The following ABCD3 variants were observed in gnomAD, a reference collection of about 807,000 sequenced individuals.
ABCD3 encodes ATP binding cassette subfamily D member 3.
Under a neutral mutation model 105.5 loss-of-function variants are expected in ABCD3, and 41 were observed. The observed-to-expected ratio is 0.39, with a 90% CI of 0.30 to 0.50. ABCD3 has a LOEUF of 0.50. Ranked by LOEUF, ABCD3 falls within the 20% of genes least tolerant of loss-of-function variation. ABCD3 has a pLI of 0.84. For synonymous variants in ABCD3, 258 were observed against 269.0 expected (o/e 0.96, Z 0.40); for missense variants, 622 against 806.3 (o/e 0.77, Z 2.77).
At chr1:94,418,193 C>T (rs1333743677), upstream of ABCD3, among the ~76,000 whole-genome samples, 1 of 152,224 alleles carries the variant, frequency 6.6e-6, no homozygotes, top group Non-Finnish European at 1.5e-5. Flanking sequence ...GCAACAGCTC[C>T]TCCGCGCCGC....
At chr1:94,495,401 G>A (rs1649749004) in intron 16 of ABCD3, among the ~76,000 whole-genome samples, 1 of 151,958 alleles carries the variant, frequency 6.6e-6, no homozygotes, top group Non-Finnish European at 1.5e-5. Flanking sequence ...TGTTACTCTT[G>A]GCTTTTAGTC....
chr1:94,428,457 C>T (rs1305068624), intron 1 of ABCD3, among the ~76,000 whole-genome samples: 2 of 152,100 alleles, frequency 1.3e-5, no homozygotes, highest in Admixed American at 6.6e-5. Context: ...TATAATGTAT[C>T]ATTGCATGTC....
chr1:94,470,600 C>G (rs1222594452), intron 4 of ABCD3, among the ~76,000 whole-genome samples: 5 of 151,730 alleles, frequency 3.3e-5, no homozygotes. Context: ...GTGCTGGGCA[C>G]TAGGTGAACT....
chr1:94,399,996 T>A, the ABCD3 span, among the ~76,000 whole-genome samples: 2 of 152,072 alleles, frequency 1.3e-5, no homozygotes, highest in East Asian at 3.9e-4. Flanking sequence ...GGTTCCTGGG[T>A]GCCACTACAC....
chr1:94,450,276 T>C (rs1660527715), intron 1 of ABCD3, among the ~76,000 whole-genome samples: 1 of 152,244 alleles, frequency 6.6e-6, no homozygotes, highest in Non-Finnish European at 1.5e-5. Flanking sequence ...TTTGCTTTTA[T>C]TACTTTGCAA....
intron 16 of ABCD3, among the ~76,000 whole-genome samples, chr1:94,497,023 GTCT>G (rs1649855799): frequency 6.6e-6 from 1 of 151,920 alleles, no homozygotes; most frequent in Non-Finnish European, 1.5e-5. Flanking sequence ...GGCTAGAACA[GTCT>G]TCTTTTAGTT....
chr1:94,506,438 A>T (rs975365859), intron 20 of ABCD3, 100 bp from the exon 21 acceptor site: 12 of 719,886 alleles, frequency 1.7e-5, no homozygotes, highest in African/African-American at 3.5e-5. Context: ...TATACTTTTG[A>T]TTTACAAGAC....
chr1:94,444,130 A>G (rs375769886), intron 1 of ABCD3, among the ~76,000 whole-genome samples: 37 of 152,016 alleles, frequency 2.4e-4, no homozygotes, highest in African/African-American at 8.9e-4. Flanking sequence ...TCAAGAGATC[A>G]AGACCATCCT....
intron 1 of ABCD3, among the ~76,000 whole-genome samples, chr1:94,435,497 TTCCAGCC>T (rs1230771816): frequency 6.6e-6 from 1 of 152,178 alleles, no homozygotes; most frequent in African/African-American, 2.4e-5. Flanking sequence ...GCACCATGCA[TTCCAGCC>T]TGGGCAACAG....
At chr1:94,453,391 T>C (rs1647360598) in intron 1 of ABCD3, among the ~76,000 whole-genome samples, 2 of 151,182 alleles carry the variant, frequency 1.3e-5, no homozygotes, top group African/African-American at 4.9e-5. Context: ...CGATCTCGGC[T>C]CACTGCAGGC....
chr1:94,386,199 T>A, the ABCD3 span, among the ~76,000 whole-genome samples: 22 of 152,190 alleles, frequency 1.4e-4, no homozygotes, highest in Admixed American at 9.2e-4. Context: ...CATGGATGGG[T>A]AGAAGGGTGG....
chr1:94,509,134 G>A (rs1650517986), intron 21 of ABCD3, among the ~76,000 whole-genome samples: 1 of 152,144 alleles, frequency 6.6e-6, no homozygotes, highest in Non-Finnish European at 1.5e-5. Flanking sequence ...GTCATAGATA[G>A]CTCTTATTAT....
chr1:94,491,685 C>T lies in ABCD3; in HGVS notation c.1386+438C>T, dbSNP rs534490377. On this transcript the variant is annotated intron_variant, in intron 16 of 22. Coordinates refer to ENST00000370214, the MANE Select transcript of ABCD3 (RefSeq NM_002858.4). ...GAAAACGGGAAGAGCCGCACAGTAG[C>T]GCTACAAATAGACACTCACCTAAAA... is the stretch of plus-strand genomic sequence containing the variant. Among the ~76,000 whole-genome samples, 208 of 152,090 alleles carry T rather than the reference C, an allele frequency of 1.4e-3. 2 individuals carry two copies. Among genetic ancestry groups the T allele is most frequent in the Middle Eastern group, 3.4e-3 (1 of 294 alleles).
rs563191336 is a variant in ABCD3 at position 94,511,317 on chromosome 1, T to TCC, written c.1846-3825_1846-3824dup. Among the ~76,000 whole-genome samples the TCC allele has an allele frequency of 2.2e-3, 342 of 152,214 alleles. 3 individuals are homozygous for TCC. In the South Asian group the frequency reaches 0.025, roughly 11 times the overall value. ...TTTTCTTTAAGAATGTTGAATATTG[T>TCC]CCCCCACTCTCTTCTGGCTTGTAGG... On this transcript the variant is annotated intron_variant, in intron 21 of 22. Transcript: ENST00000370214.
intron 1 of ABCD3, among the ~76,000 whole-genome samples, chr1:94,421,580 G>GTGTGTGTT (rs2100865742): frequency 6.6e-6 from 1 of 152,108 alleles, no homozygotes; most frequent in South Asian, 2.1e-4. Flanking sequence ...GTGTGTGTGT[G>GTGTGTGTT]TGTGTGTGTG....
At chr1:94,419,198 CCCTTTGGTCGGTGAA>C (rs1298212199) in intron 1 of ABCD3, 35 of 807,508 alleles carry the variant, frequency 4.3e-5, no homozygotes, top group Non-Finnish European at 5.1e-5. Flanking sequence ...AGTCGGTGAA[CCCTTTGGTCGGTGAA>C]CATTTGGTCG....
In ABCD3 at chr1:94,514,848, T is replaced by G. The variant is rs530892526; in HGVS notation, c.1846-298T>G. 764 of 332,874 alleles carry G rather than the reference T, an allele frequency of 2.3e-3. 8 individuals are homozygous for G. The highest frequency in any genetic ancestry group is 3.4e-3 in the Non-Finnish European group (617 of 179,576). 20.6% of individuals were successfully genotyped at this position (332,874 alleles called of 1,614,324 possible). ...TGACCTTTGGCTATTTTTATCCTTC[T>G]CATATTCCTCTCATATATTTTTCAC... On this transcript the variant is annotated intron_variant, in intron 21 of 22. Coordinates refer to ENST00000370214, the MANE Select transcript of ABCD3 (RefSeq NM_002858.4).
intron 19 of ABCD3, 139 bp downstream of exon 19, chr1:94,499,173 G>A (rs1649975835): frequency 1.2e-6 from 1 of 847,814 alleles, no homozygotes; most frequent in Non-Finnish European, 1.9e-6. Flanking sequence ...TTTCTAAGCT[G>A]AGGTAAGATG....
intron 1 of ABCD3, among the ~76,000 whole-genome samples, chr1:94,423,893 C>A (rs1246763384): frequency 6.6e-6 from 1 of 152,136 alleles, no homozygotes; most frequent in Non-Finnish European, 1.5e-5. Context: ...CTGCCCCATT[C>A]AAATCAAGCT....
Sources: gnomAD v4.1 joint callset for allele counts (sites outside exome capture counted in the v4.1 genomes callset) on GRCh38, gnomAD v4.1.1 for gene constraint, MANE v1.5 for transcripts, NCBI Gene and HGNC (gene_info 2026-07-23, HGNC 2026-07-21) for gene names.